ASH1L: variants seen among roughly 807,000 people sequenced by gnomAD.
ASH1L encodes the protein histone-lysine N-methyltransferase ASH1L.
Under a neutral mutation model 269.0 loss-of-function variants are expected in ASH1L, and 23 were observed. The observed-to-expected ratio is 0.09, with a 90% CI of 0.06 to 0.12. ASH1L has a LOEUF of 0.12. ASH1L is among the 10% of genes least tolerant of loss of function. ASH1L has a pLI of 1.00. For missense variants in ASH1L, 2,912 were observed against 3,567.8 expected, an observed-to-expected ratio of 0.82 and a Z score of 4.68; for synonymous variants, 1,187 against 1,253.5, an observed-to-expected ratio of 0.95 and a Z score of 1.12.
At chr1:155,532,533 TG>T (rs1473001013) in intron 1 of ASH1L, among the ~76,000 whole-genome samples, 1 of 152,076 alleles carries the variant, frequency 6.6e-6, no homozygotes, top group Non-Finnish European at 1.5e-5. Flanking sequence ...ATTAATATAG[TG>T]GTCTGGGCTG....
chr1:155,521,415 T>A lies in ASH1L; in HGVS notation c.105A>T (p.Arg35Ser), dbSNP rs1200109119. The stretch of plus-strand genomic sequence containing the variant: ...TTGTGTTTTTTTCTAGCTCTACTTC[T>A]CTCTTACTGACCAATGTGCCAGTAC... ...AISTGTLVSKREVELEKNTKE... is the reference protein window; with the variant it reads ...AISTGTLVSKSEVELEKNTKE... Residue 35 changes from arginine (R) to serine (S), a missense_variant, in exon 2 of 28, where the codon AGA (arginine) becomes AGT (serine). Transcript: ENST00000392403. The A allele has an allele frequency of 6.2e-7, 1 of 1,614,032 alleles. No individual in the cohort carries two copies. The highest frequency in any genetic ancestry group is 2.2e-5 in the East Asian group (1 of 44,890).
intron 5 of ASH1L, chr1:155,419,286 A>C (rs1660477976): frequency 6.6e-6 from 1 of 151,906 alleles, no homozygotes; most frequent in Non-Finnish European, 1.5e-5. Flanking sequence ...AAAACAGTGC[A>C]AACCAGAAGA....
At chr1:155,428,083 A>G (rs1382905981) in intron 5 of ASH1L, among the ~76,000 whole-genome samples, 5 of 151,938 alleles carry the variant, frequency 3.3e-5, no homozygotes, top group Non-Finnish European at 7.4e-5. Flanking sequence ...AACGAATTAA[A>G]CCTCTTTTCT....
intron 8 of ASH1L, 21 bp downstream of exon 8, chr1:155,380,022 G>A: frequency 6.4e-7 from 1 of 1,570,032 alleles, no homozygotes; most frequent in East Asian, 2.2e-5. Context: ...AATGAAACCT[G>A]GTAAAACAGG....
At chr1:155,347,007 T>A (rs183706777) in intron 20 of ASH1L, among the ~76,000 whole-genome samples, 1 of 152,346 alleles carries the variant, frequency 6.6e-6, no homozygotes, top group East Asian at 1.9e-4. Flanking sequence ...TAATAGAGTG[T>A]ATTATCACTA....
intron 3 of ASH1L, among the ~76,000 whole-genome samples, chr1:155,477,309 T>G (rs1396328721): frequency 1.3e-5 from 2 of 152,174 alleles, no homozygotes; most frequent in Non-Finnish European, 2.9e-5. Flanking sequence ...GCAGCTTTTA[T>G]GAAAACATCA....
At position 155,337,612 on chromosome 1, in the gene ASH1L, A is replaced by T; in HGVS notation, c.*48T>A. The T allele has an allele frequency of 2.0e-6, 3 of 1,527,840 alleles. No homozygotes were observed. Among genetic ancestry groups the T allele is most frequent in the Non-Finnish European group, 2.7e-6 (3 of 1,102,306 alleles). The allele number at this position is 1,527,840 out of a possible 1,614,324, so 94.6% of individuals were successfully genotyped here. ...ACCCAGAGAGCAGGAGGCAGGACTG[A>T]TTAGCTCCACTGGATCCCAGATGCT... On this transcript the variant is annotated 3_prime_UTR_variant, in exon 28 of 28. Transcript: ENST00000392403.
upstream of ASH1L, chr1:155,563,094 G>C (rs1322249242): frequency 4.4e-6 from 2 of 457,680 alleles, no homozygotes; most frequent in Non-Finnish European, 4.4e-6. Flanking sequence ...CCTCGCCGCA[G>C]CGCTGCGGCT....
At chr1:155,497,945 G>A (rs557409914) in intron 2 of ASH1L, among the ~76,000 whole-genome samples, 1 of 151,640 alleles carries the variant, frequency 6.6e-6, no homozygotes, top group Non-Finnish European at 1.5e-5. Flanking sequence ...GTAGAGACAG[G>A]GTTTCACCGT....
chr1:155,356,462 G>A (rs1654393779), intron 15 of ASH1L, among the ~76,000 whole-genome samples: 1 of 151,682 alleles, frequency 6.6e-6, no homozygotes, highest in Non-Finnish European at 1.5e-5. Flanking sequence ...GTGAAACCCT[G>A]TCTCTACTAA....
chr1:155,425,325 T>G (rs1363607285), intron 5 of ASH1L, among the ~76,000 whole-genome samples: 1 of 149,404 alleles, frequency 6.7e-6, no homozygotes, highest in Non-Finnish European at 1.5e-5. Context: ...TCGCCCAGGC[T>G]GGAGTGCAGT....
intron 6 of ASH1L, among the ~76,000 whole-genome samples, chr1:155,407,291 G>C (rs1429752045): frequency 6.6e-6 from 1 of 152,134 alleles, no homozygotes; most frequent in Non-Finnish European, 1.5e-5. Context: ...GACAACATAG[G>C]ACGGGCTGTG....
In ASH1L at chr1:155,357,755, A is replaced by G. The variant is rs887105601; in HGVS notation, c.6796-6T>C. 1 of 1,602,378 alleles carries G rather than the reference A, an allele frequency of 6.2e-7. No homozygotes were observed. The highest frequency in any genetic ancestry group is 1.4e-5 in the African/African-American group (1 of 73,924). ...AAGCCACACTTACAAAGTTGCTTTG[A>G]AGGGAGAGAATAATTTTTTTATTTT... On this transcript the variant is annotated splice_region_variant and splice_polypyrimidine_tract_variant and intron_variant, in intron 13 of 27. Transcript: ENST00000392403.
rs559686201 is a variant in ASH1L, at chr1:155,406,828, A to G, written c.6008+8916T>C. ...AAGTCAAATAACAAATTGACAAAAT[A>G]TATCTACAATTTATATCACGGACAA... On this transcript the variant is annotated intron_variant, in intron 6 of 27. Transcript: ENST00000392403. Among the ~76,000 whole-genome samples, 10 of 152,350 alleles carry G rather than the reference A, an allele frequency of 6.6e-5. No homozygotes were observed. The South Asian group carries it at 1.9e-3, about 28-fold the overall frequency.
intron 10 of ASH1L, among the ~76,000 whole-genome samples, chr1:155,371,991 C>T (rs961889481): frequency 6.6e-6 from 1 of 151,402 alleles, no homozygotes; most frequent in Admixed American, 6.6e-5. Flanking sequence ...CCACTGCACC[C>T]GGCCGCTAAT....
At chr1:155,427,453 G>A (rs915516115) in intron 5 of ASH1L, among the ~76,000 whole-genome samples, 10 of 151,910 alleles carry the variant, frequency 6.6e-5, no homozygotes, top group Non-Finnish European at 1.2e-4. Context: ...GACTATAGGC[G>A]CCCACCACCT....
At chr1:155,457,886 T>A (rs930421528) in intron 4 of ASH1L, among the ~76,000 whole-genome samples, 1 of 152,214 alleles carries the variant, frequency 6.6e-6, no homozygotes, top group Non-Finnish European at 1.5e-5. Context: ...CATTCATTTG[T>A]TCAGGGGTTG....
chr1:155,436,182 T>TTTTA lies in ASH1L; in HGVS notation c.5828+2141_5828+2144dup, dbSNP rs539380944. The stretch of plus-strand genomic sequence containing the variant: ...TTCTCCTAAGAGTTTACAGTTTTAT[T>TTTTA]TTTATTTATTTATTTATTTATTTTG... On this transcript the variant is annotated intron_variant, in intron 5 of 27. Transcript: ENST00000392403. Among the ~76,000 whole-genome samples, 28 of 152,238 alleles carry TTTTA rather than the reference T, an allele frequency of 1.8e-4. No homozygotes were observed. The East Asian group carries it at 2.9e-3, about 16-fold the overall frequency.
At chr1:155,508,512 A>G (rs1667959606) in intron 2 of ASH1L, among the ~76,000 whole-genome samples, 1 of 152,078 alleles carries the variant, frequency 6.6e-6, no homozygotes, top group Non-Finnish European at 1.5e-5. Flanking sequence ...GATGGCATTC[A>G]CCTGTAATCC....
Sources: allele counts gnomAD v4.1 joint callset (sites outside exome capture counted in the v4.1 genomes callset), GRCh38; gene constraint gnomAD v4.1.1; transcripts MANE v1.5; gene names NCBI Gene and HGNC (gene_info 2026-07-23, HGNC 2026-07-21).